CMTR1: variants seen among roughly 807,000 people sequenced by gnomAD.
CMTR1 encodes the protein cap-specific mRNA (nucleoside-2'-O-)-methyltransferase 1.
Under a neutral mutation model 107.0 loss-of-function variants are expected in CMTR1, and 39 were observed. That is an observed-to-expected ratio of 0.36 (90% CI 0.28 to 0.48). CMTR1 has a LOEUF of 0.48. Among genes scored for constraint, CMTR1 ranks in the 20% least tolerant of loss-of-function variants. The pLI is 0.99. For missense variants in CMTR1, 672 were observed against 1,064.9 expected (o/e 0.63, Z 5.14); for synonymous variants, 366 against 379.5 (o/e 0.96, Z 0.41).
chr6:37,428,007 A>G, the CMTR1 span, among the ~76,000 whole-genome samples: 2 of 119,954 alleles, frequency 1.7e-5, no homozygotes. Context: ...AGCAACAGAG[A>G]CAGAGAGAGA....
At position 37,472,152 on chromosome 6, in the gene CMTR1, C is replaced by T. The variant is rs1409758504; in HGVS notation, c.1620+248C>T. Among the ~76,000 whole-genome samples, 1 of 152,140 alleles carries T rather than the reference C, an allele frequency of 6.6e-6. No homozygotes were observed. Among genetic ancestry groups the T allele is most frequent in the African/African-American group, 2.4e-5 (1 of 41,418 alleles). ...GGGGTGTGGGGAGGTGGGCCGGTGTCAGTTTTGCAACTGGTGGCCCCTTGT... is the reference window on the plus strand; with the variant it reads ...GGGGTGTGGGGAGGTGGGCCGGTGTTAGTTTTGCAACTGGTGGCCCCTTGT... On this transcript the variant is annotated intron_variant, in intron 15 of 23. Coordinates refer to ENST00000373451, the MANE Select transcript of CMTR1 (RefSeq NM_015050.3). The surrounding 1 kb of genome is among the most constrained non-coding windows in gnomAD (Gnocchi z 4.1).
intron 13 of CMTR1, 80 bp downstream of exon 13, chr6:37,463,088 C>T (rs952023072): frequency 7.2e-7 from 1 of 1,395,462 alleles, no homozygotes; most frequent in Non-Finnish European, 1.0e-6. Context: ...ATGGTTGGCT[C>T]TTGGTATCAC....
intron 4 of CMTR1, 72 bp downstream of exon 4, chr6:37,446,521 T>C (rs1325019244): frequency 2.0e-6 from 3 of 1,518,172 alleles, no homozygotes. Context: ...AGAAGCCATA[T>C]CAACAAACTA....
chr6:37,429,947 TAA>T (rs36026053), upstream of CMTR1, among the ~76,000 whole-genome samples: 1,604 of 148,280 alleles, frequency 0.011, 22 homozygotes, highest in African/African-American at 0.036. Flanking sequence ...CAAAAAATAA[TAA>T]AAAAAAAAAA....
chr6:37,443,402 T>A (rs1041150169), intron 2 of CMTR1, among the ~76,000 whole-genome samples: 31 of 152,084 alleles, frequency 2.0e-4, no homozygotes, highest in African/African-American at 7.0e-4. Flanking sequence ...TTGCCCAGAC[T>A]GGCATGCAGT....
chr6:37,466,580 A>G (rs1761517028), intron 13 of CMTR1, among the ~76,000 whole-genome samples: 1 of 151,998 alleles, frequency 6.6e-6, no homozygotes, highest in South Asian at 2.1e-4. Context: ...TTCCCCGTTG[A>G]TTGGTCTTGG....
intron 13 of CMTR1, among the ~76,000 whole-genome samples, chr6:37,464,931 C>T (rs2454133): frequency 0.99 from 150,132 of 151,274 alleles, 74,508 homozygotes; most frequent in Middle Eastern, 1. Flanking sequence ...TGTGTGTGTA[C>T]AGACAAACAA....
intron 21 of CMTR1, 21 bp from the exon 22 acceptor site, chr6:37,478,388 G>GT: frequency 1.9e-6 from 3 of 1,593,232 alleles, no homozygotes; most frequent in South Asian, 1.1e-5. Context: ...TCTCATGCAC[G>GT]TACCTTCTCG....
rs747910111 is a variant in CMTR1 at position 37,466,108 on chromosome 6, G to GTTTT, written c.1505+3102_1505+3105dup. Among the ~76,000 whole-genome samples the GTTTT allele has an allele frequency of 1.3e-4, 17 of 127,706 alleles. 4 individuals carry two copies. Among genetic ancestry groups the GTTTT allele is most frequent in the African/African-American group, 1.4e-4 (5 of 34,686 alleles). 83.8% of individuals were successfully genotyped at this position (127,706 alleles called of 152,430 possible). A position where few individuals can be genotyped will look rare whatever the true frequency, so the allele number is the denominator to read the frequency against. ...CTCTATGTTTTTAAAGAGTTTTACA[G>GTTTT]TTTTTGTTTTTTTTTTTTTTTTTGA... On this transcript the variant is annotated intron_variant, in intron 13 of 23. Coordinates refer to ENST00000373451, the MANE Select transcript of CMTR1 (RefSeq NM_015050.3).
intron 15 of CMTR1, 49 bp downstream of exon 15, chr6:37,471,953 A>G (rs760636558): frequency 1.9e-6 from 3 of 1,572,328 alleles, no homozygotes; most frequent in Admixed American, 3.4e-5. Context: ...GAAGCCATAG[A>G]GAAGAATGGG....
intron 2 of CMTR1, among the ~76,000 whole-genome samples, chr6:37,439,936 T>C (rs1229553445): frequency 6.6e-6 from 1 of 152,216 alleles, no homozygotes; most frequent in East Asian, 1.9e-4. Flanking sequence ...CACATGCCAC[T>C]GTGCCCAGCT....
chr6:37,435,514 T>C (rs892197865), intron 1 of CMTR1, 110 bp from the exon 2 acceptor site: 5 of 1,190,800 alleles, frequency 4.2e-6, no homozygotes, highest in Non-Finnish European at 5.8e-6. Flanking sequence ...CTGGAAGATG[T>C]GTAGAATTGC....
chr6:37,443,768 C>G (rs71569375), intron 2 of CMTR1, among the ~76,000 whole-genome samples: 6,949 of 152,234 alleles, frequency 0.046, 168 homozygotes, highest in Middle Eastern at 0.092. Flanking sequence ...GGAAGGAAAA[C>G]TGTTATTTTT....
At chr6:37,451,676 G>T in intron 5 of CMTR1, 130 bp from the exon 6 acceptor site, 1 of 660,714 alleles carries the variant, frequency 1.5e-6, no homozygotes, top group Non-Finnish European at 2.7e-6. Flanking sequence ...CCACCCTTCA[G>T]GGATTGATGT....
At chr6:37,428,061 A>AGAGAGAGGGAG in the CMTR1 span, among the ~76,000 whole-genome samples, 2 of 142,958 alleles carry the variant, frequency 1.4e-5, no homozygotes, top group African/African-American at 5.2e-5. Flanking sequence ...AGAGAGAGAG[A>AGAGAGAGGGAG]AACTCTCTAA....
chr6:37,454,141 G>A (rs1046139888), intron 8 of CMTR1, among the ~76,000 whole-genome samples: 4 of 152,124 alleles, frequency 2.6e-5, no homozygotes, highest in Non-Finnish European at 5.9e-5. Flanking sequence ...ATTTTTACCC[G>A]GTCCTAGAAA....
chr6:37,458,874 C>T lies in CMTR1; in HGVS notation c.976+64C>T, dbSNP rs1321869343. The stretch of plus-strand genomic sequence containing the variant: ...CAGCCCCTCTATGGGGACTTCAGGT[C>T]AGAAGCAGTTGTTATCCACATGCCA... On this transcript the variant is annotated intron_variant, in intron 9 of 23. Transcript: ENST00000373451. This position sits in a 1 kb window ranked among gnomAD's most constrained non-coding sequence, Gnocchi z 4.7. The T allele has an allele frequency of 6.8e-7, 1 of 1,466,950 alleles. No individual in the cohort carries two copies. The highest frequency in any genetic ancestry group is 9.5e-7 in the Non-Finnish European group (1 of 1,056,984). 90.9% of individuals were successfully genotyped at this position (1,466,950 alleles called of 1,614,324 possible).
rs757889361 is a variant in CMTR1, at chr6:37,462,113, T to C, written c.1325+11T>C. On this transcript the variant is annotated intron_variant, in intron 12 of 23. Coordinates refer to ENST00000373451, the MANE Select transcript of CMTR1 (RefSeq NM_015050.3). The stretch of plus-strand genomic sequence containing the variant: ...TGCCAACTCAGAGAGGTGAAGCCTT[T>C]CTCTCTATATTAGCCAGATTAATTG... The C allele has an allele frequency of 1.2e-6, 2 of 1,614,098 alleles. No individual in the cohort carries two copies. The highest frequency in any genetic ancestry group is 1.7e-6 in the Non-Finnish European group (2 of 1,180,010).
chr6:37,439,312 G>A (rs1347886107), intron 2 of CMTR1, among the ~76,000 whole-genome samples: 5 of 152,208 alleles, frequency 3.3e-5, no homozygotes, highest in Admixed American at 2.0e-4. Context: ...GGCAGATGAG[G>A]TCATTTTGTT....
Sources: gnomAD v4.1 joint callset for allele counts (sites outside exome capture counted in the v4.1 genomes callset) on GRCh38, gnomAD v4.1.1 for gene constraint, Gnocchi (gnomAD v3.1) non-coding constraint, MANE v1.5 for transcripts, NCBI Gene and HGNC (gene_info 2026-07-23, HGNC 2026-07-21) for gene names.